Variants in FBLN7 observed in about 807,000 individuals in gnomAD.
The protein encoded by FBLN7 is fibulin-7.
A neutral mutation model predicts 44.0 loss-of-function variants in FBLN7; 31 were observed. The observed-to-expected ratio is 0.70, with a 90% CI of 0.53 to 0.95. The LOEUF (loss-of-function observed/expected upper bound fraction) is 0.95, where lower values mean the gene tolerates loss of function less well. Among genes scored for constraint, FBLN7 ranks in the 40% least tolerant of loss-of-function variants. The pLI is 0.00. For synonymous variants in FBLN7, 262 were observed against 253.4 expected, an observed-to-expected ratio of 1.03 and a Z score of -0.32; for missense variants, 573 against 618.5, an observed-to-expected ratio of 0.93 and a Z score of 0.78.
At chr2:112,188,990 G>C (rs996027250), downstream of FBLN7, 1 of 152,368 alleles carries the variant, frequency 6.6e-6, no homozygotes, top group African/African-American at 2.4e-5. Flanking sequence ...CACAACACCA[G>C]GCGGAAGAGT....
At chr2:112,243,094 A>C in the FBLN7 span, among the ~76,000 whole-genome samples, 1 of 152,216 alleles carries the variant, frequency 6.6e-6, no homozygotes, top group South Asian at 2.1e-4. Context: ...CTTGGCTTTT[A>C]ATGAGTTCAC....
chr2:112,216,845 AAATG>A, the FBLN7 span, among the ~76,000 whole-genome samples: 1 of 152,118 alleles, frequency 6.6e-6, no homozygotes, highest in East Asian at 1.9e-4. Flanking sequence ...AGAGAACAAA[AAATG>A]AGATGAAGAA....
rs1461621491 is a variant in FBLN7, at chr2:112,138,681, T to A, written c.26T>A (p.Leu9His). 2 of 1,613,662 alleles carry A rather than the reference T, an allele frequency of 1.2e-6. No homozygotes were observed. Among genetic ancestry groups the A allele is most frequent in the Non-Finnish European group, 1.7e-6 (2 of 1,179,874 alleles). Reference protein sequence around the residue: MVPSSPRALFLLLLILACP... With the variant: MVPSSPRAHFLLLLILACP... ...ATGGTGCCCAGCTCTCCGCGCGCGC[T>A]CTTCCTTCTGCTCCTGATCCTCGCC... The change falls in exon 1 of 8, where the codon CTC becomes CAC. Residue 9 changes from leucine (L) to histidine (H), a missense_variant. Physicochemically the swap from Leu to His is moderately conservative, Grantham distance 99 (BLOSUM62 -3). Transcript: ENST00000331203.
intron 6 of FBLN7, among the ~76,000 whole-genome samples, chr2:112,183,340 G>A (rs1360119371): frequency 1.3e-5 from 2 of 152,142 alleles, no homozygotes; most frequent in African/African-American, 2.4e-5. Flanking sequence ...CCTCTGAAAG[G>A]GGCAGCACCT....
At chr2:112,164,122 T>C (rs1682013880) in intron 2 of FBLN7, among the ~76,000 whole-genome samples, 1 of 152,236 alleles carries the variant, frequency 6.6e-6, no homozygotes, top group African/African-American at 2.4e-5. Flanking sequence ...CCCTGCTAGA[T>C]GGTGGGCTTC....
At position 112,159,699 on chromosome 2, in the gene FBLN7, C is replaced by T; in HGVS notation, c.99C>T (p.Leu33=). The T allele has an allele frequency of 1.3e-6, 2 of 1,574,542 alleles. No individual in the cohort carries two copies. The highest frequency in any genetic ancestry group is 8.6e-7 in the Non-Finnish European group (1 of 1,159,210). ...ASQNCLSKQQ[L]LSAIRQLQQL... is the part of the protein sequence containing the mutation. The stretch of plus-strand genomic sequence containing the variant: ...AGAACTGTCTCAGCAAACAGCAGCT[C>T]CTCTCGGCCATCCGCCAGCTGCAGC... The change falls in exon 2 of 8, where the codon CTC becomes CTT. Residue 33 remains leucine (L), a synonymous_variant. Transcript: ENST00000331203.
the FBLN7 span, among the ~76,000 whole-genome samples, chr2:112,241,415 G>C: frequency 2.0e-5 from 3 of 152,020 alleles, no homozygotes. Flanking sequence ...CATAAAGCAG[G>C]GGTTCTCACC....
the FBLN7 span, among the ~76,000 whole-genome samples, chr2:112,241,790 T>C: frequency 1.3e-5 from 2 of 152,230 alleles, no homozygotes; most frequent in African/African-American, 4.8e-5. Context: ...ATTCAGTGTA[T>C]TAATAAAGAA....
Position 112,159,897 on chromosome 2 carries a change from C to T in FBLN7, c.235+62C>T, listed in dbSNP as rs1000024939. The T allele has an allele frequency of 1.7e-4, 237 of 1,368,670 alleles. 2 individuals carry two copies. The highest frequency in any genetic ancestry group is 6.6e-5 in the Admixed American group (2 of 30,218). 84.8% of individuals were successfully genotyped at this position (1,368,670 alleles called of 1,614,324 possible). Reference sequence around the variant, plus strand: ...CAGCACTCGAGCACTCTCCCCGAGACGCTCCCAGCTGGAGGCCCCTCGTCA... The same window carrying T: ...CAGCACTCGAGCACTCTCCCCGAGATGCTCCCAGCTGGAGGCCCCTCGTCA... On this transcript the variant is annotated intron_variant, in intron 2 of 7. Transcript: ENST00000331203.
chr2:112,235,955 A>AT, the FBLN7 span, among the ~76,000 whole-genome samples: 1 of 150,998 alleles, frequency 6.6e-6, no homozygotes, highest in Non-Finnish European at 1.5e-5. Flanking sequence ...AAAAAAAAAA[A>AT]ATCAAGGAGT....
the FBLN7 span, among the ~76,000 whole-genome samples, chr2:112,208,356 A>G: frequency 5.9e-5 from 9 of 152,276 alleles, no homozygotes; most frequent in Non-Finnish European, 8.8e-5. Context: ...TGTCGAGATC[A>G]CACCATTGTA....
intron 7 of FBLN7, among the ~76,000 whole-genome samples, chr2:112,185,976 C>T (rs886486945): frequency 2.0e-5 from 3 of 151,738 alleles, no homozygotes; most frequent in Admixed American, 6.6e-5. Flanking sequence ...AGAGCCCTAG[C>T]GTTGTCTTTA....
chr2:112,181,691 AC>A (rs1393674121), intron 4 of FBLN7, 47 bp from the exon 5 acceptor site: 6 of 1,349,664 alleles, frequency 4.4e-6, no homozygotes, highest in Non-Finnish European at 5.7e-6. Context: ...GGTCGGGCCC[AC>A]GGCAGGTGCG....
At chr2:112,142,440 A>G (rs1680692791) in intron 1 of FBLN7, among the ~76,000 whole-genome samples, 1 of 152,168 alleles carries the variant, frequency 6.6e-6, no homozygotes, top group Non-Finnish European at 1.5e-5. Context: ...ACCTGGCCTT[A>G]AAGCAGTGTG....
the FBLN7 span, among the ~76,000 whole-genome samples, chr2:112,237,446 G>A: frequency 1.1e-4 from 16 of 152,004 alleles, no homozygotes; most frequent in East Asian, 7.7e-4. Flanking sequence ...TTATCTATCC[G>A]TGCACGCATT....
the FBLN7 span, among the ~76,000 whole-genome samples, chr2:112,239,552 T>C: frequency 1.3e-5 from 2 of 150,970 alleles, no homozygotes; most frequent in Admixed American, 1.3e-4. Flanking sequence ...TTATAAAATA[T>C]ATTAGGTGGC....
chr2:112,165,882 A>G (rs1682129439), intron 3 of FBLN7, among the ~76,000 whole-genome samples: 1 of 152,210 alleles, frequency 6.6e-6, no homozygotes, highest in Non-Finnish European at 1.5e-5. Context: ...TCAAAAACCC[A>G]TGGTCAAAAA....
the FBLN7 span, among the ~76,000 whole-genome samples, chr2:112,195,403 G>C: frequency 6.6e-6 from 1 of 152,176 alleles, no homozygotes; most frequent in African/African-American, 2.4e-5. Context: ...TTGGCTGAGT[G>C]GCCAGACATG....
chr2:112,169,860 CA>C (rs1469532327), intron 3 of FBLN7, among the ~76,000 whole-genome samples: 1 of 152,092 alleles, frequency 6.6e-6, no homozygotes, highest in African/African-American at 2.4e-5. Flanking sequence ...GAGCAGGGGA[CA>C]ATGACACTGA....
Sources: allele counts gnomAD v4.1 joint callset (sites outside exome capture counted in the v4.1 genomes callset), GRCh38; gene constraint gnomAD v4.1.1; transcripts MANE v1.5; gene names NCBI Gene and HGNC (gene_info 2026-07-23, HGNC 2026-07-21).